Variants in TMEM41A observed in about 807,000 individuals in gnomAD.
TMEM41A encodes the protein transmembrane protein 41A.
In TMEM41A, 20 loss-of-function variants were observed where a neutral mutation model predicts 25.7. The observed-to-expected ratio is 0.78, with a 90% CI of 0.55 to 1.13. The LOEUF (loss-of-function observed/expected upper bound fraction) is 1.13, where lower values mean the gene tolerates loss of function less well. Among genes scored for constraint, TMEM41A ranks in the 50% most tolerant of loss-of-function variants. The pLI is 0.00. For synonymous variants in TMEM41A, 133 were observed against 139.6 expected (o/e 0.95, Z 0.33); for missense variants, 299 against 314.3 (o/e 0.95, Z 0.37).
chr3:185,497,731 C>G (rs1045524940), intron 1 of TMEM41A, among the ~76,000 whole-genome samples: 1 of 152,212 alleles, frequency 6.6e-6, no homozygotes, highest in Non-Finnish European at 1.5e-5. Flanking sequence ...CTACTTCTCA[C>G]GAGAGTTTCT....
chr3:185,491,526 G>C lies in TMEM41A; in HGVS notation c.*11C>G. 6.2e-7 allele frequency: 1 copy of C among 1,609,724 alleles called. No individual in the cohort carries two copies. Among genetic ancestry groups the C allele is most frequent in the Non-Finnish European group, 8.5e-7 (1 of 1,176,760 alleles). On this transcript the variant is annotated 3_prime_UTR_variant, in exon 5 of 5. Transcript: ENST00000421852. Reference sequence around the variant, plus strand: ...ACTGAGTCCAGGGATGTGGCAAACAGAAAATCCAGATCATGTGTCTTTTCT... The same window carrying C: ...ACTGAGTCCAGGGATGTGGCAAACACAAAATCCAGATCATGTGTCTTTTCT...
In TMEM41A at chr3:185,498,860, G is replaced by T; in HGVS notation, c.102C>A (p.Thr34=). 1.2e-6 allele frequency: 2 copies of T among 1,602,714 alleles called. No homozygotes were observed. The highest frequency in any genetic ancestry group is 2.3e-5 in the East Asian group (1 of 43,572). Residue 34 remains threonine, a synonymous_variant, in exon 1 of 5, where the codon ACC becomes ACA. Coordinates refer to ENST00000421852, the MANE Select transcript of TMEM41A (RefSeq NM_080652.4). ...RLPRGRRLGS[T]EEAGGRSLWF... is the part of the protein sequence containing the mutation. ...CCACGCACCTGCCTCCAGCCTCCTC[G>T]GTGGAGCCCAGTCTCCGCCCGCGGG...
rs1166491081 is a variant in TMEM41A at position 185,495,143 on chromosome 3, C to T, written c.435+11G>A. On this transcript the variant is annotated intron_variant, in intron 3 of 4. Transcript: ENST00000421852. The stretch of plus-strand genomic sequence containing the variant: ...GGGGTCCCAGCTCTCAGATGTGACC[C>T]CTCCCCTTACCTTTCTCTGCAGCAG... The T allele has an allele frequency of 6.2e-7, 1 of 1,612,950 alleles. No homozygotes were observed. Among genetic ancestry groups the T allele is most frequent in the South Asian group, 1.1e-5 (1 of 91,038 alleles).
Position 185,494,693 on chromosome 3 carries a change from G to A in TMEM41A, c.504C>T (p.Asn168=). 1.2e-6 allele frequency: 2 copies of A among 1,613,224 alleles called. No individual in the cohort carries two copies. The highest frequency in any genetic ancestry group is 1.7e-6 in the Non-Finnish European group (2 of 1,179,648). The change falls in exon 4 of 5, where the codon AAC becomes AAT. Residue 168 remains asparagine, a synonymous_variant. Transcript: ENST00000421852. The stretch of plus-strand genomic sequence containing the variant: ...TTGGGGCCGAGAGGTTCAAGAACCA[G>A]TTTGGTGTCATGGGGAAAAGTCTCA... ...LFLRLFPMTP[N]WFLNLSAPIL...
intron 2 of TMEM41A, chr3:185,496,254 G>A (rs371964104): frequency 6.1e-6 from 1 of 164,040 alleles, no homozygotes; most frequent in South Asian, 1.6e-4. Flanking sequence ...TAAGCACTGT[G>A]TTAAGTGCTT....
chr3:185,496,630 C>T (rs1577651943), intron 2 of TMEM41A, 198 bp downstream of exon 2: 1 of 652,164 alleles, frequency 1.5e-6, no homozygotes. Flanking sequence ...GAGAGGGAAG[C>T]AGTACAAAAG....
intron 1 of TMEM41A, among the ~76,000 whole-genome samples, chr3:185,497,928 G>T (rs1010844334): frequency 3.3e-5 from 5 of 152,146 alleles, no homozygotes; most frequent in African/African-American, 1.2e-4. Context: ...GGTAAGTATT[G>T]CTCTGCCTCC....
At chr3:185,497,542 T>G (rs1191711409) in intron 1 of TMEM41A, among the ~76,000 whole-genome samples, 1 of 152,264 alleles carries the variant, frequency 6.6e-6, no homozygotes, top group East Asian at 1.9e-4. Context: ...TGTAACTTTT[T>G]TGATAATATG....
In TMEM41A at chr3:185,496,952, T is replaced by C. The variant is rs149580105; in HGVS notation, c.149A>G (p.Glu50Gly). Residue 50 changes from glutamate to glycine, a missense_variant, in exon 2 of 5, where the codon GAG becomes GGG. By Grantham distance (98) the Glu-to-Gly change is moderately conservative (BLOSUM62 -2). Coordinates refer to ENST00000421852, the MANE Select transcript of TMEM41A (RefSeq NM_080652.4). ...AAGGACCTCAGAGAGCTCCCGCAGCTCTGCCAGGTCGGAGGGGAACCACAG... is the reference window on the plus strand; with the variant it reads ...AAGGACCTCAGAGAGCTCCCGCAGCCCTGCCAGGTCGGAGGGGAACCACAG... The part of the protein sequence containing the change: ...RSLWFPSDLA[E>G]LRELSEVLRE... The C allele has an allele frequency of 4.4e-3, 7,075 of 1,599,084 alleles. 23 individuals carry two copies. The highest frequency in any genetic ancestry group is 4.4e-3 in the Non-Finnish European group (5,135 of 1,174,240).
rs1023327946 is a variant in TMEM41A, at chr3:185,490,819, T to C, written c.*718A>G. On this transcript the variant is annotated 3_prime_UTR_variant, in exon 5 of 5. Coordinates refer to ENST00000421852, the MANE Select transcript of TMEM41A (RefSeq NM_080652.4). ...CATTGGTACTAAACATCCACAAAGATGCAACAGGAGGACATCTGTCCCAGC... is the reference window on the plus strand; with the variant it reads ...CATTGGTACTAAACATCCACAAAGACGCAACAGGAGGACATCTGTCCCAGC... 9 of 152,116 alleles carry C rather than the reference T, an allele frequency of 5.9e-5. No individual in the cohort carries two copies. The highest frequency in any genetic ancestry group is 5.9e-5 in the Non-Finnish European group (4 of 68,034). The allele number at this position is 152,116 out of a possible 1,614,324, so 9.4% of individuals were successfully genotyped here.
chr3:185,491,971 C>T (rs1281700079), intron 4 of TMEM41A, among the ~76,000 whole-genome samples: 1 of 151,948 alleles, frequency 6.6e-6, no homozygotes. Context: ...AACAAAAGAA[C>T]TTGAGATATT....
At chr3:185,497,430 C>T (rs1010895217) in intron 1 of TMEM41A, among the ~76,000 whole-genome samples, 3 of 152,224 alleles carry the variant, frequency 2.0e-5, no homozygotes, top group African/African-American at 7.2e-5. Flanking sequence ...ACAATTCAGA[C>T]TTCAAACTGT....
At position 185,490,996 on chromosome 3, in the gene TMEM41A, T is replaced by TA. The variant is rs1553816263; in HGVS notation, c.*540_*541insT. On this transcript the variant is annotated 3_prime_UTR_variant, in exon 5 of 5. Transcript: ENST00000421852. The stretch of plus-strand genomic sequence containing the variant: ...ACAAACAGCATTTTCTTTTTTTCTC[T>TA]TTTTTTTTTTTTTTTTGTCAAGACA... 2.9e-5 allele frequency: 1 copy of TA among 34,434 alleles called. No homozygotes were observed. The highest frequency in any genetic ancestry group is 7.1e-5 in the Non-Finnish European group (1 of 14,068). 2.1% of individuals were successfully genotyped at this position (34,434 alleles called of 1,614,324 possible). A position where few individuals can be genotyped will look rare whatever the true frequency, so the allele number is the denominator to read the frequency against.
Position 185,494,472 on chromosome 3 carries a change from AG to A in TMEM41A, c.574+150del, listed in dbSNP as rs1719041250. ...TTGAAGCCTGAGCAGATCTGAAATC[AG>A]GAATCATTTCTTTAGATCATAAGGC... On this transcript the variant is annotated intron_variant, in intron 4 of 4. Coordinates refer to ENST00000421852, the MANE Select transcript of TMEM41A (RefSeq NM_080652.4). The A allele has an allele frequency of 7.8e-6, 7 of 902,706 alleles. No homozygotes were observed. In the East Asian group the frequency reaches 1.9e-4, roughly 25 times the overall value. 55.9% of individuals were successfully genotyped at this position (902,706 alleles called of 1,614,324 possible).
Position 185,499,014 on chromosome 3 carries a change from G to C in TMEM41A, c.-53C>G, listed in dbSNP as rs894103538. The C allele has an allele frequency of 6.7e-7, 1 of 1,483,882 alleles. No individual in the cohort carries two copies. Among genetic ancestry groups the C allele is most frequent in the African/African-American group, 1.4e-5 (1 of 70,912 alleles). The allele number at this position is 1,483,882 out of a possible 1,614,324, so 91.9% of individuals were successfully genotyped here. A position where few individuals can be genotyped will look rare whatever the true frequency, so the allele number is the denominator to read the frequency against. ...CAGCCGAGAAGCTCACTTGCACTCCGGGACGCAGCGGCGGGCGGACTGAGC... is the reference window on the plus strand; with the variant it reads ...CAGCCGAGAAGCTCACTTGCACTCCCGGACGCAGCGGCGGGCGGACTGAGC... On this transcript the variant is annotated 5_prime_UTR_variant, in exon 1 of 5. Transcript: ENST00000421852.
In TMEM41A at chr3:185,489,802, G is replaced by A. The variant is rs1718889908; in HGVS notation, c.*1735C>T. 1 of 152,154 alleles carries A rather than the reference G, an allele frequency of 6.6e-6. No homozygotes were observed. Among genetic ancestry groups the A allele is most frequent in the African/African-American group, 2.4e-5 (1 of 41,424 alleles). 9.4% of individuals were successfully genotyped at this position (152,154 alleles called of 1,614,324 possible). A position where few individuals can be genotyped will look rare whatever the true frequency, so the allele number is the denominator to read the frequency against. On this transcript the variant is annotated 3_prime_UTR_variant, in exon 5 of 5. Coordinates refer to ENST00000421852, the MANE Select transcript of TMEM41A (RefSeq NM_080652.4). ...CTACTCCAGAACACCAAAGGCCACA[G>A]TCTTCAAAGTCTGCTGCCTCCTTCC...
At chr3:185,497,436 A>T (rs80273687) in intron 1 of TMEM41A, among the ~76,000 whole-genome samples, 9 of 152,334 alleles carry the variant, frequency 5.9e-5, no homozygotes, top group South Asian at 2.1e-4. Context: ...CAGACTTCAA[A>T]CTGTTCCTGA....
chr3:185,492,462 A>C (rs1466800899), intron 4 of TMEM41A: 1 of 152,194 alleles, frequency 6.6e-6, no homozygotes, highest in Non-Finnish European at 1.5e-5. Context: ...CAACAGCCAA[A>C]GTAAAGAGAG....
In TMEM41A at chr3:185,497,111, T is replaced by C. The variant is rs549348458; in HGVS notation, c.120-130A>G. 43 of 1,186,008 alleles carry C rather than the reference T, an allele frequency of 3.6e-5. No homozygotes were observed. In the South Asian group the frequency reaches 6.3e-4, roughly 17 times the overall value. The allele number at this position is 1,186,008 out of a possible 1,614,324, so 73.5% of individuals were successfully genotyped here. On this transcript the variant is annotated intron_variant, in intron 1 of 4. Transcript: ENST00000421852. Reference sequence around the variant, plus strand: ...CATCATCTGATCTGCTGGGAACACATACACTCCCAATGACAGATGACCTGA... The same window carrying C: ...CATCATCTGATCTGCTGGGAACACACACACTCCCAATGACAGATGACCTGA...
Sources: gnomAD v4.1 joint callset for allele counts (sites outside exome capture counted in the v4.1 genomes callset) on GRCh38, gnomAD v4.1.1 for gene constraint, MANE v1.5 for transcripts, NCBI Gene and HGNC (gene_info 2026-07-23, HGNC 2026-07-21) for gene names.